The following CA10 variants were observed in gnomAD, a reference collection of about 807,000 sequenced individuals.
CA10 encodes carbonic anhydrase 10 (inactive).
CA10 carries 14 observed loss-of-function variants against 44.2 expected under a neutral mutation model. The ratio of observed to expected loss-of-function variants is 0.32; its 90% CI spans 0.21 to 0.50. CA10 has a LOEUF of 0.50. Ranked by LOEUF, CA10 falls within the 20% of genes least tolerant of loss-of-function variation. The pLI is 0.99. For missense variants in CA10, 350 were observed against 409.7 expected (o/e 0.85, Z 1.26); for synonymous variants, 159 against 141.6 (o/e 1.12, Z -0.87).
intron 1 of CA10, among the ~76,000 whole-genome samples, chr17:52,098,574 C>G (rs16950970): frequency 0.15 from 23,413 of 152,148 alleles, 2,037 homozygotes; most frequent in East Asian, 0.41. Context: ...TGACCTAAGT[C>G]CTCTAAGTCT....
chr17:51,888,540 C>T (rs1424077484), intron 3 of CA10, among the ~76,000 whole-genome samples: 1 of 152,190 alleles, frequency 6.6e-6, no homozygotes, highest in Non-Finnish European at 1.5e-5. Flanking sequence ...AAATACCTAT[C>T]TCAATAGATA....
chr17:51,938,759 C>A (rs987878241), intron 2 of CA10, among the ~76,000 whole-genome samples: 6 of 152,060 alleles, frequency 3.9e-5, no homozygotes, highest in African/African-American at 1.4e-4. Context: ...TTTTGCTGAT[C>A]ACCCCCTGTT....
intron 3 of CA10, among the ~76,000 whole-genome samples, chr17:51,782,822 C>T (rs922758162): frequency 6.6e-6 from 1 of 152,160 alleles, no homozygotes; most frequent in Non-Finnish European, 1.5e-5. Flanking sequence ...GGTGGCTTGG[C>T]AGACATCAGC....
chr17:51,689,768 T>A (rs1431255042), intron 4 of CA10, among the ~76,000 whole-genome samples: 1 of 152,186 alleles, frequency 6.6e-6, no homozygotes, highest in African/African-American at 2.4e-5. Flanking sequence ...CTTCCTTCCT[T>A]TAGCATTTTA....
chr17:52,006,278 A>T (rs1985594632), intron 2 of CA10, among the ~76,000 whole-genome samples: 1 of 141,970 alleles, frequency 7.0e-6, no homozygotes, highest in South Asian at 2.1e-4. Flanking sequence ...GCTATACTGA[A>T]AAAAGAAAAT....
intron 1 of CA10, among the ~76,000 whole-genome samples, chr17:52,132,282 G>A (rs1598231505): frequency 6.6e-6 from 1 of 152,172 alleles, no homozygotes; most frequent in Non-Finnish European, 1.5e-5. Context: ...GGAAGACGCT[G>A]CAAGAGAGAT....
intron 2 of CA10, among the ~76,000 whole-genome samples, chr17:51,979,649 C>T (rs1223923181): frequency 1.3e-5 from 2 of 152,162 alleles, no homozygotes; most frequent in Non-Finnish European, 2.9e-5. Context: ...AATAAATCAT[C>T]TATGTCTAGA....
At chr17:52,010,588 A>G (rs1157566302) in intron 2 of CA10, among the ~76,000 whole-genome samples, 1 of 151,938 alleles carries the variant, frequency 6.6e-6, no homozygotes, top group Non-Finnish European at 1.5e-5. Context: ...ACACAAAGGC[A>G]TAGAAGATAC....
chr17:51,633,501 G>C lies in CA10; in HGVS notation c.939C>G (p.Asn313Lys). The C allele has an allele frequency of 6.2e-7, 1 of 1,613,734 alleles. No homozygotes were observed. Among genetic ancestry groups the C allele is most frequent in the Non-Finnish European group, 8.5e-7 (1 of 1,179,804 alleles). The change falls in exon 8 of 9, where the codon AAC becomes AAG. Residue 313 changes from asparagine to lysine, a missense_variant. Physicochemically the swap from Asn to Lys is moderately conservative, Grantham distance 94 (BLOSUM62 0). Coordinates refer to ENST00000451037, the MANE Select transcript of CA10 (RefSeq NM_020178.5). ...CTCTATACTGAAGCTTCTGGGCTCG[G>C]TTGTTTGGACAGTCCTTCCCCTGTA... ...FSLQGKDCPN[N>K]RAQKLQYRVN...
At chr17:51,831,667 AAGCAGCAGC>A (rs66635963) in intron 3 of CA10, among the ~76,000 whole-genome samples, 3,794 of 127,434 alleles carry the variant, frequency 0.03, 84 homozygotes, top group East Asian at 0.06. Flanking sequence ...AGAAAAGAAA[AAGCAGCAGC>A]AGCAGCAGCA....
chr17:52,076,550 A>T (rs1003134236), intron 1 of CA10, among the ~76,000 whole-genome samples: 1 of 152,228 alleles, frequency 6.6e-6, no homozygotes, highest in African/African-American at 2.4e-5. Context: ...ATGTCTATCA[A>T]TTACAAAATT....
chr17:52,130,711 T>A (rs1229984181), intron 1 of CA10, among the ~76,000 whole-genome samples: 5 of 152,160 alleles, frequency 3.3e-5, no homozygotes, highest in Admixed American at 3.3e-4. Context: ...TCTTTCTTTT[T>A]TTTTGAGATG....
At chr17:51,644,361 G>C (rs1913232643) in intron 6 of CA10, among the ~76,000 whole-genome samples, 1 of 152,132 alleles carries the variant, frequency 6.6e-6, no homozygotes, top group Non-Finnish European at 1.5e-5. Context: ...GGATTTTAAA[G>C]ATATCTTTAG....
chr17:51,896,348 T>C (rs954834440), intron 3 of CA10, among the ~76,000 whole-genome samples: 2 of 152,088 alleles, frequency 1.3e-5, no homozygotes. Flanking sequence ...TGGTATTTCG[T>C]TTTCTATGCC....
At chr17:52,062,885 TCA>T (rs745456924) in intron 2 of CA10, among the ~76,000 whole-genome samples, 30 of 152,190 alleles carry the variant, frequency 2.0e-4, no homozygotes, top group Non-Finnish European at 4.0e-4. Flanking sequence ...GCACCACACT[TCA>T]GACACCAGAA....
At chr17:52,047,895 G>A (rs182791156) in intron 2 of CA10, among the ~76,000 whole-genome samples, 1 of 151,800 alleles carries the variant, frequency 6.6e-6, no homozygotes, top group East Asian at 2.0e-4. Context: ...TAGAAAATAT[G>A]TTTTATGGTG....
intron 4 of CA10, among the ~76,000 whole-genome samples, chr17:51,693,028 T>C (rs1915273825): frequency 6.6e-6 from 1 of 152,238 alleles, no homozygotes; most frequent in East Asian, 1.9e-4. Context: ...TGGTTTCAAC[T>C]AGCTTCTGCG....
At chr17:52,005,661 C>T (rs1477297592) in intron 2 of CA10, among the ~76,000 whole-genome samples, 1 of 151,922 alleles carries the variant, frequency 6.6e-6, no homozygotes, top group Non-Finnish European at 1.5e-5. Flanking sequence ...TCCAGGGGAG[C>T]TATTGGGGTT....
intron 2 of CA10, among the ~76,000 whole-genome samples, chr17:52,059,319 A>C (rs761399764): frequency 3.9e-5 from 6 of 152,208 alleles, no homozygotes; most frequent in Non-Finnish European, 7.3e-5. Flanking sequence ...ATGCAGCTCA[A>C]TACCCTGATT....
Sources: allele counts gnomAD v4.1 joint callset (sites outside exome capture counted in the v4.1 genomes callset), GRCh38; gene constraint gnomAD v4.1.1; transcripts MANE v1.5; gene names NCBI Gene and HGNC (gene_info 2026-07-23, HGNC 2026-07-21).